Variants in CDH12 observed in about 807,000 individuals in gnomAD.
CDH12 encodes the protein cadherin-12.
CDH12 carries 41 observed loss-of-function variants against 74.1 expected under a neutral mutation model. The observed-to-expected ratio is 0.55, with a 90% CI of 0.43 to 0.72. The LOEUF is 0.72. Among genes scored for constraint, CDH12 ranks in the 30% least tolerant of loss-of-function variants. The pLI is 0.00. For synonymous variants in CDH12, 399 were observed against 355.0 expected, an observed-to-expected ratio of 1.12 and a Z score of -1.39; for missense variants, 945 against 977.2, an observed-to-expected ratio of 0.97 and a Z score of 0.44.
intron 1 of CDH12, among the ~76,000 whole-genome samples, chr5:22,525,755 G>GA (rs1205311118): frequency 2.0e-5 from 3 of 152,086 alleles, no homozygotes; most frequent in Non-Finnish European, 4.4e-5. Flanking sequence ...GTAGGAAGGA[G>GA]AAAAAATTGC....
intron 1 of CDH12, among the ~76,000 whole-genome samples, chr5:22,578,859 T>C (rs1216645809): frequency 6.6e-6 from 1 of 152,178 alleles, no homozygotes; most frequent in African/African-American, 2.4e-5. Flanking sequence ...TTCTCTTCTG[T>C]TGCTATATTT....
At chr5:22,689,933 A>T (rs1349456261) in intron 1 of CDH12, among the ~76,000 whole-genome samples, 7 of 151,952 alleles carry the variant, frequency 4.6e-5, no homozygotes, top group Non-Finnish European at 1.0e-4. Flanking sequence ...AGAAGAGGAA[A>T]TTTTTAACCC....
intron 6 of CDH12, among the ~76,000 whole-genome samples, chr5:21,954,950 T>G (rs1312519123): frequency 6.6e-6 from 1 of 152,070 alleles, no homozygotes; most frequent in East Asian, 1.9e-4. Context: ...TTTAATTTGT[T>G]TGGAAGAAGC....
At chr5:22,452,451 C>T (rs1745080597) in intron 2 of CDH12, among the ~76,000 whole-genome samples, 1 of 151,798 alleles carries the variant, frequency 6.6e-6, no homozygotes, top group South Asian at 2.1e-4. Context: ...GACAAAGTTT[C>T]CAGGAACACA....
intron 4 of CDH12, among the ~76,000 whole-genome samples, chr5:22,091,277 TTG>T (rs375919418): frequency 1.1e-4 from 16 of 144,274 alleles, no homozygotes; most frequent in Non-Finnish European, 2.3e-4. Flanking sequence ...GTGTGTGTGT[TTG>T]TGTGTGTGTG....
At chr5:22,710,408 A>T (rs975920756) in intron 1 of CDH12, among the ~76,000 whole-genome samples, 4 of 152,194 alleles carry the variant, frequency 2.6e-5, no homozygotes, top group Non-Finnish European at 5.9e-5. Context: ...AACAGAAAAA[A>T]GTACACGGCA....
intron 1 of CDH12, among the ~76,000 whole-genome samples, chr5:22,724,881 A>G (rs1157770765): frequency 6.6e-6 from 1 of 151,820 alleles, no homozygotes; most frequent in Non-Finnish European, 1.5e-5. Context: ...AATTTAAAAA[A>G]TTTCTATATA....
At chr5:22,027,779 T>C (rs1381628894) in intron 5 of CDH12, among the ~76,000 whole-genome samples, 1 of 151,628 alleles carries the variant, frequency 6.6e-6, no homozygotes, top group Non-Finnish European at 1.5e-5. Context: ...CTGGATTCGT[T>C]AATTTTTTGA....
intron 1 of CDH12, among the ~76,000 whole-genome samples, chr5:22,849,875 T>A (rs1330212506): frequency 4.6e-5 from 7 of 152,030 alleles, no homozygotes; most frequent in Admixed American, 1.3e-4. Flanking sequence ...TGTAAAAAAA[T>A]ACCTGAAGCA....
chr5:22,072,105 C>T (rs992144724), intron 5 of CDH12, among the ~76,000 whole-genome samples: 1 of 152,062 alleles, frequency 6.6e-6, no homozygotes, highest in Admixed American at 6.6e-5. Flanking sequence ...CCTATCTCTA[C>T]ACCTTTTTCC....
At chr5:22,652,318 A>G (rs186339229) in intron 1 of CDH12, among the ~76,000 whole-genome samples, 4 of 152,116 alleles carry the variant, frequency 2.6e-5, no homozygotes, top group Non-Finnish European at 4.4e-5. Flanking sequence ...AGTTAAAATT[A>G]CATGTGATAT....
At chr5:21,997,065 T>C (rs919885171) in intron 5 of CDH12, among the ~76,000 whole-genome samples, 22 of 152,166 alleles carry the variant, frequency 1.4e-4, no homozygotes, top group African/African-American at 5.3e-4. Flanking sequence ...ATTTTATAGA[T>C]ATTATCTTCT....
intron 5 of CDH12, among the ~76,000 whole-genome samples, chr5:22,048,676 G>A (rs1210314334): frequency 2.0e-5 from 3 of 152,086 alleles, no homozygotes; most frequent in African/African-American, 7.2e-5. Context: ...ATTGTGAGAG[G>A]AGAATGAGAA....
At chr5:22,492,358 T>G (rs1746910211) in intron 2 of CDH12, among the ~76,000 whole-genome samples, 1 of 151,868 alleles carries the variant, frequency 6.6e-6, no homozygotes, top group Non-Finnish European at 1.5e-5. Flanking sequence ...ATGTTTTTTT[T>G]TTTTTTTGAG....
At chr5:22,329,022 C>T (rs191157150) in intron 3 of CDH12, among the ~76,000 whole-genome samples, 1 of 151,948 alleles carries the variant, frequency 6.6e-6, no homozygotes, top group Admixed American at 6.6e-5. Flanking sequence ...ATAAACAAGA[C>T]AAGAGAAGAG....
chr5:22,545,930 T>TTGC, intron 1 of CDH12, among the ~76,000 whole-genome samples: 1 of 149,360 alleles, frequency 6.7e-6, no homozygotes, highest in African/African-American at 2.4e-5. Flanking sequence ...TAGATTTTTG[T>TTGC]TGTTGTTGTT....
chr5:22,774,095 A>T (rs1046164438), intron 1 of CDH12, among the ~76,000 whole-genome samples: 1 of 152,116 alleles, frequency 6.6e-6, no homozygotes, highest in African/African-American at 2.4e-5. Context: ...TTTGAAAAGG[A>T]ATTACCATTC....
In CDH12 at chr5:21,842,197, T is replaced by C. The variant is rs755834124; in HGVS notation, c.778A>G (p.Thr260Ala). The change falls in exon 8 of 15, where the codon ACC becomes GCC. Residue 260 changes from threonine to alanine, a missense_variant. Around this residue, in one of 3 missense-constraint regions of CDH12, gnomAD observed 791 missense variants for 792.8 expected, o/e 1.00. Coordinates refer to ENST00000382254, the MANE Select transcript of CDH12 (RefSeq NM_004061.5). ...AGTTIVNITL[T>A]DVNDNPPRFP... ...CGAGGTGGATTGTCATTGACATCGGTGAGAGTGATGTTGACTATTGTTGTT... is the reference window on the plus strand; with the variant it reads ...CGAGGTGGATTGTCATTGACATCGGCGAGAGTGATGTTGACTATTGTTGTT... 4 of 1,612,896 alleles carry C rather than the reference T, an allele frequency of 2.5e-6. No individual in the cohort carries two copies.
At chr5:22,493,054 C>T (rs74360204) in intron 2 of CDH12, among the ~76,000 whole-genome samples, 1,524 of 152,300 alleles carry the variant, frequency 0.01, 11 homozygotes, top group Non-Finnish European at 0.015. Context: ...ATATGCCAAA[C>T]TTATCCCTCC....
Sources: gnomAD v4.1 joint callset for allele counts (sites outside exome capture counted in the v4.1 genomes callset) on GRCh38, gnomAD v4.1.1 for gene constraint, gnomAD v4.1.1 regional missense constraint, MANE v1.5 for transcripts, NCBI Gene and HGNC (gene_info 2026-07-23, HGNC 2026-07-21) for gene names.